ATP1A2: variants seen among roughly 807,000 people sequenced by gnomAD.
ATP1A2 encodes ATPase Na+/K+ transporting subunit alpha 2.
In ATP1A2, 56 loss-of-function variants were observed where a neutral mutation model predicts 113.1. That is an observed-to-expected ratio of 0.49 (90% confidence interval 0.40 to 0.62). The LOEUF is 0.62. Among genes scored for constraint, ATP1A2 ranks in the 20% least tolerant of loss-of-function variants. The pLI, the probability that ATP1A2 is intolerant of heterozygous loss-of-function variation, is 0.00. For synonymous variants in ATP1A2, 490 were observed against 526.8 expected, an observed-to-expected ratio of 0.93 and a Z score of 0.96; for missense variants, 712 against 1,357.8, an observed-to-expected ratio of 0.52 and a Z score of 7.47.
At chr1:160,141,155 C>G in intron 22 of ATP1A2, 139 bp from the exon 23 acceptor site, 2 of 1,022,730 alleles carry the variant, frequency 2.0e-6, no homozygotes, top group Non-Finnish European at 3.0e-6. Context: ...CTCCTTCCAC[C>G]TTCCTAAGCC....
In ATP1A2 at chr1:160,134,632, G is replaced by A; in HGVS notation, c.1964+12G>A. On this transcript the variant is annotated intron_variant, in intron 14 of 22. Coordinates refer to ENST00000361216, the MANE Select transcript of ATP1A2 (RefSeq NM_000702.4). ...CAAGTCAACCCCAGGTGAGGCCTCT[G>A]CAGGAAGCCCCTGTGCCCTAATCAA... 2 of 1,614,178 alleles carry A rather than the reference G, an allele frequency of 1.2e-6. No homozygotes were observed. The highest frequency in any genetic ancestry group is 1.7e-6 in the Non-Finnish European group (2 of 1,180,024).
At chr1:160,130,009 C>A (rs1222166619) in intron 11 of ATP1A2, 93 bp from the exon 12 acceptor site, 5 of 1,520,992 alleles carry the variant, frequency 3.3e-6, no homozygotes, top group Non-Finnish European at 4.5e-6. Flanking sequence ...GTTGGGGCTA[C>A]TTTTCTAAGG....
At chr1:160,137,351 A>T in intron 20 of ATP1A2, 2 of 411,928 alleles carry the variant, frequency 4.9e-6, no homozygotes, top group Non-Finnish European at 4.6e-6. Context: ...TTCTGTGCCC[A>T]CCCCTCCCCT....
chr1:160,120,179 G>C (rs1223962402), intron 1 of ATP1A2, among the ~76,000 whole-genome samples: 1 of 152,136 alleles, frequency 6.6e-6, no homozygotes, highest in East Asian at 1.9e-4. Flanking sequence ...GTGCTTTGGG[G>C]GTCCAGTCCT....
intron 22 of ATP1A2, chr1:160,140,846 C>CCTTTTTTTTTTTTT (rs1652123649): frequency 1.2e-5 from 1 of 86,904 alleles, no homozygotes; most frequent in African/African-American, 5.5e-5. Context: ...CTTTCACCTT[C>CCTTTTTTTTTTTTT]TTTTTTTTTT....
chr1:160,141,012 G>A lies in ATP1A2; in HGVS notation c.3035-282G>A, dbSNP rs575279898. Among the ~76,000 whole-genome samples the A allele has an allele frequency of 2.6e-5, 4 of 152,148 alleles. No individual in the cohort carries two copies. In the South Asian group the frequency reaches 8.3e-4, roughly 32 times the overall value. ...AGAGTAGCTGGGATTGCAGGCGCAT[G>A]CCACTATGCCCGACTAATTTTTTGT... On this transcript the variant is annotated intron_variant, in intron 22 of 22. Transcript: ENST00000361216.
intron 5 of ATP1A2, 107 bp downstream of exon 5, chr1:160,124,163 T>A: frequency 1.3e-6 from 2 of 1,558,978 alleles, no homozygotes; most frequent in East Asian, 2.3e-5. Context: ...ACAGAAAAGA[T>A]CCTCCAGCTT....
In ATP1A2 at chr1:160,130,224, C is replaced by T; in HGVS notation, c.1584C>T (p.Asp528=). 3 of 1,614,198 alleles carry T rather than the reference C, an allele frequency of 1.9e-6. No individual in the cohort carries two copies. Among genetic ancestry groups the T allele is most frequent in the Non-Finnish European group, 2.5e-6 (3 of 1,180,040 alleles). ...ILVQGKEIPL[D]KEMQDAFQNA... ...TGCAGGGCAAGGAGATCCCGCTCGA[C>T]AAGGAGATGCAAGATGCCTTTCAAA... Residue 528 remains aspartate (D), a synonymous_variant, in exon 12 of 23, where the codon GAC becomes GAT. Transcript: ENST00000361216.
chr1:160,129,467 A>G, intron 11 of ATP1A2, 67 bp downstream of exon 11: 1 of 1,596,204 alleles, frequency 6.3e-7, no homozygotes, highest in Non-Finnish European at 8.5e-7. Context: ...GACAAAGCCA[A>G]GGGGAATCAT....
At chr1:160,125,069 C>CA in intron 6 of ATP1A2, 67 bp from the exon 7 acceptor site, 2 of 1,314,968 alleles carry the variant, frequency 1.5e-6, no homozygotes, top group African/African-American at 2.9e-5. Flanking sequence ...GGAGGTGGTT[C>CA]AGGAGACAGC....
intron 4 of ATP1A2, 128 bp from the exon 5 acceptor site, chr1:160,123,815 T>G: frequency 1.2e-6 from 1 of 849,392 alleles, no homozygotes; most frequent in Non-Finnish European, 2.0e-6. Context: ...CCTACCATCA[T>G]CACTCTCAGT....
At chr1:160,126,249 T>C (rs1379716189) in intron 7 of ATP1A2, among the ~76,000 whole-genome samples, 1 of 152,222 alleles carries the variant, frequency 6.6e-6, no homozygotes, top group Non-Finnish European at 1.5e-5. Context: ...TCCTCCCATA[T>C]ACTTTGAATC....
chr1:160,140,599 C>T, intron 22 of ATP1A2: 2 of 167,408 alleles, frequency 1.2e-5, no homozygotes, highest in Non-Finnish European at 2.6e-5. Flanking sequence ...TTCGACTTCT[C>T]CTGAAGATCA....
intron 13 of ATP1A2, among the ~76,000 whole-genome samples, chr1:160,133,752 G>A (rs1651835223): frequency 1.3e-5 from 2 of 151,998 alleles, no homozygotes; most frequent in Non-Finnish European, 2.9e-5. Context: ...GTTTCCTCAT[G>A]TGTAAAATAA....
At chr1:160,132,063 C>T (rs1651791988) in intron 13 of ATP1A2, among the ~76,000 whole-genome samples, 1 of 152,168 alleles carries the variant, frequency 6.6e-6, no homozygotes, top group South Asian at 2.1e-4. Flanking sequence ...AATTCTGCCT[C>T]AGAGAACTGG....
intron 4 of ATP1A2, 30 bp downstream of exon 4, chr1:160,123,446 C>A (rs1162659327): frequency 6.2e-7 from 1 of 1,613,740 alleles, no homozygotes. Flanking sequence ...CCGGGAACAG[C>A]CCGTGACTGT....
Position 160,135,925 on chromosome 1 carries a change from A to G in ATP1A2, c.2371A>G (p.Ile791Val). ...IPEITPFLLF[I>V]IANIPLPLGT... ...CGAGATCACCCCCTTCCTGCTGTTCATCATTGCCAACATCCCCCTACCTCT... is the reference window on the plus strand; with the variant it reads ...CGAGATCACCCCCTTCCTGCTGTTCGTCATTGCCAACATCCCCCTACCTCT... The change falls in exon 17 of 23, where the codon ATC becomes GTC. Residue 791 changes from isoleucine to valine, a missense_variant. Ile to Val is a conservative substitution (Grantham distance 29). Coordinates refer to ENST00000361216, the MANE Select transcript of ATP1A2 (RefSeq NM_000702.4). The surrounding 1 kb of genome is among the most constrained non-coding windows in gnomAD (Gnocchi z 6.3). The G allele has an allele frequency of 6.2e-7, 1 of 1,613,836 alleles. No individual in the cohort carries two copies. The highest frequency in any genetic ancestry group is 8.5e-7 in the Non-Finnish European group (1 of 1,179,912).
intron 1 of ATP1A2, 26 bp downstream of exon 1, chr1:160,115,899 C>T (rs1371869110): frequency 2.5e-6 from 4 of 1,599,904 alleles, no homozygotes; most frequent in African/African-American, 2.7e-5. Context: ...GAGCAGGGGT[C>T]GCAGTCTAGA....
intron 4 of ATP1A2, 80 bp downstream of exon 4, chr1:160,123,496 G>T: frequency 6.4e-7 from 1 of 1,568,812 alleles, no homozygotes. Flanking sequence ...GGGGTGGGCA[G>T]GGAACAAGGC....
Sources: gnomAD v4.1 joint callset for allele counts (sites outside exome capture counted in the v4.1 genomes callset) on GRCh38, gnomAD v4.1.1 for gene constraint, Gnocchi (gnomAD v3.1) non-coding constraint, MANE v1.5 for transcripts, NCBI Gene and HGNC (gene_info 2026-07-23, HGNC 2026-07-21) for gene names.